CRADD: variants seen among roughly 807,000 people sequenced by gnomAD.
The protein encoded by CRADD is death domain-containing protein CRADD.
Under a neutral mutation model 15.5 loss-of-function variants are expected in CRADD, and 9 were observed. That is an observed-to-expected ratio of 0.58 (90% confidence interval 0.35 to 1.01). The LOEUF is 1.01. Among genes scored for constraint, CRADD ranks in the 50% least tolerant of loss-of-function variants. The pLI is 0.02. For synonymous variants in CRADD, 118 were observed against 107.6 expected, an observed-to-expected ratio of 1.10 and a Z score of -0.60; for missense variants, 227 against 250.3, an observed-to-expected ratio of 0.91 and a Z score of 0.63.
Position 93,880,513 on chromosome 12 carries a change from CT to C in CRADD, c.299-13535del, listed in dbSNP as rs1216038823. Among the ~76,000 whole-genome samples, 6 of 152,270 alleles carry C rather than the reference CT, an allele frequency of 3.9e-5. No individual in the cohort carries two copies. The East Asian group carries it at 1.2e-3, about 29-fold the overall frequency. The stretch of plus-strand genomic sequence containing the variant: ...GGAATGGGACTGCGCAGCTCACCGT[CT>C]TGCTTTTTCATTTTGCTTCTTCTAA... On this transcript the variant is annotated intron_variant, in intron 2 of 2. Coordinates refer to the CRADD transcript ENST00000548483.
chr12:93,686,313 A>AAAAG (rs1955439568), intron 2 of CRADD, among the ~76,000 whole-genome samples: 1 of 150,696 alleles, frequency 6.6e-6, no homozygotes, highest in Non-Finnish European at 1.5e-5. Context: ...CCAAAAAAAA[A>AAAAG]AAAAAAAAAA....
intron 2 of CRADD, among the ~76,000 whole-genome samples, chr12:93,808,317 A>G (rs1383939463): frequency 6.6e-6 from 1 of 152,150 alleles, no homozygotes; most frequent in East Asian, 1.9e-4. Flanking sequence ...CGAATGAGGA[A>G]CAAAGTCATG....
chr12:93,713,736 C>T (rs1956114974), intron 2 of CRADD, among the ~76,000 whole-genome samples: 1 of 151,974 alleles, frequency 6.6e-6, no homozygotes, highest in African/African-American at 2.4e-5. Context: ...ATATCATACA[C>T]ATTAGATTTC....
At chr12:93,871,862 G>GCA (rs1303726692) in intron 2 of CRADD, among the ~76,000 whole-genome samples, 4 of 152,198 alleles carry the variant, frequency 2.6e-5, no homozygotes, top group African/African-American at 9.7e-5. Flanking sequence ...AGACAGTGCT[G>GCA]CAACAAACAT....
chr12:93,714,467 G>A (rs1026994286), intron 2 of CRADD: 1 of 152,214 alleles, frequency 6.6e-6, no homozygotes, highest in African/African-American at 2.4e-5. Context: ...TAATCCCAGG[G>A]AATCTGGTGA....
chr12:93,866,054 C>T (rs980449353), intron 2 of CRADD, among the ~76,000 whole-genome samples: 1 of 152,158 alleles, frequency 6.6e-6, no homozygotes, highest in African/African-American at 2.4e-5. Flanking sequence ...ATTTTTCCCT[C>T]TCTAGAAGCT....
chr12:93,818,094 T>G (rs1322863419), intron 2 of CRADD, among the ~76,000 whole-genome samples: 2 of 152,088 alleles, frequency 1.3e-5, no homozygotes, highest in Admixed American at 6.6e-5. Flanking sequence ...CATGAACCGA[T>G]GTATAAATCA....
chr12:93,824,213 T>C lies in CRADD; in HGVS notation c.299-25757T>C, dbSNP rs1002774188. Among the ~76,000 whole-genome samples the C allele has an allele frequency of 1.3e-5, 2 of 152,118 alleles. No individual in the cohort carries two copies. The highest frequency in any genetic ancestry group is 6.6e-5 in the Admixed American group (1 of 15,266). ...TAGGCTGCTGTAGGACACACCCCGG[T>C]CTCATTTTCAGTGTCTCAGCATACT... On this transcript the variant is annotated intron_variant, in intron 2 of 2. Coordinates refer to ENST00000332896, the MANE Select transcript of CRADD (RefSeq NM_003805.5). This position sits in a 1 kb window ranked among gnomAD's most constrained non-coding sequence, Gnocchi z 4.3.
At chr12:93,727,562 CT>C (rs1019901035) in intron 2 of CRADD, among the ~76,000 whole-genome samples, 6 of 152,164 alleles carry the variant, frequency 3.9e-5, no homozygotes, top group African/African-American at 1.4e-4. Flanking sequence ...ACTTTATGGG[CT>C]TTAAGGAATC....
intron 2 of CRADD, among the ~76,000 whole-genome samples, chr12:93,754,220 C>G (rs1196894602): frequency 1.3e-5 from 2 of 152,192 alleles, no homozygotes; most frequent in African/African-American, 4.8e-5. Flanking sequence ...CACAGGGCAC[C>G]AAGTCCTAGG....
intron 2 of CRADD, among the ~76,000 whole-genome samples, chr12:93,806,451 C>CAAAAAAAAAAAAAA (rs59372325): frequency 3.4e-5 from 2 of 59,206 alleles, no homozygotes; most frequent in East Asian, 4.8e-4. Flanking sequence ...GACTCCATCT[C>CAAAAAAAAAAAAAA]AAAAAAAAAA....
intron 2 of CRADD, among the ~76,000 whole-genome samples, chr12:93,882,134 A>G (rs76307826): frequency 6.6e-6 from 1 of 151,458 alleles, no homozygotes; most frequent in African/African-American, 2.4e-5. Flanking sequence ...AAAAAAAATT[A>G]AAAAAGGCCA....
chr12:93,764,059 C>G (rs1214133434), intron 2 of CRADD, among the ~76,000 whole-genome samples: 2 of 152,102 alleles, frequency 1.3e-5, no homozygotes, highest in African/African-American at 4.8e-5. Context: ...CAGCCAGGGT[C>G]CCAAGATGAT....
intron 2 of CRADD, among the ~76,000 whole-genome samples, chr12:93,879,680 A>G (rs1958481352): frequency 6.6e-6 from 1 of 152,122 alleles, no homozygotes; most frequent in Non-Finnish European, 1.5e-5. Flanking sequence ...TCTTTCCTTA[A>G]TTAACAGTTC....
intron 2 of CRADD, among the ~76,000 whole-genome samples, chr12:93,704,034 T>G (rs905821748): frequency 1.4e-5 from 2 of 141,070 alleles, no homozygotes; most frequent in Admixed American, 1.5e-4. Context: ...TTACCCAGGC[T>G]GGTCTTGAAC....
At chr12:93,737,243 T>C (rs937952801) in intron 2 of CRADD, among the ~76,000 whole-genome samples, 3 of 152,204 alleles carry the variant, frequency 2.0e-5, no homozygotes, top group African/African-American at 4.8e-5. Flanking sequence ...ATTGCAAGTA[T>C]GAAGAAAGCT....
intron 2 of CRADD, among the ~76,000 whole-genome samples, chr12:93,806,462 A>C (rs1957539377): frequency 1.3e-5 from 2 of 149,184 alleles, no homozygotes; most frequent in South Asian, 2.2e-4. Context: ...AAAAAAAAAA[A>C]AAAAAAAAAA....
chr12:93,781,666 C>T (rs1043528795), intron 2 of CRADD, among the ~76,000 whole-genome samples: 5 of 152,170 alleles, frequency 3.3e-5, no homozygotes, highest in Non-Finnish European at 7.3e-5. Context: ...TATTCTTACC[C>T]ACATCCCCTC....
intron 2 of CRADD, among the ~76,000 whole-genome samples, chr12:93,695,068 G>A (rs1180848481): frequency 1.3e-5 from 2 of 152,152 alleles, no homozygotes; most frequent in Admixed American, 1.3e-4. Flanking sequence ...ACTTCAAAAT[G>A]TGCTACAAAG....
Sources: allele counts gnomAD v4.1 joint callset (sites outside exome capture counted in the v4.1 genomes callset), GRCh38; gene constraint gnomAD v4.1.1; non-coding constraint Gnocchi (gnomAD v3.1); transcripts MANE v1.5; gene names NCBI Gene and HGNC (gene_info 2026-07-23, HGNC 2026-07-21).